Variants in MYO19 observed in about 807,000 individuals in gnomAD.
MYO19 encodes the protein unconventional myosin-XIX.
In MYO19, 132 loss-of-function variants were observed where a neutral mutation model predicts 129.2. The ratio of observed to expected loss-of-function variants is 1.02; its 90% confidence interval spans 0.89 to 1.18. The LOEUF is 1.18. Ranked by LOEUF, MYO19 falls within the 50% of genes most tolerant of loss-of-function variation. The pLI, the probability that MYO19 is intolerant of heterozygous loss-of-function variation, is 0.00. For synonymous variants in MYO19, 531 were observed against 477.2 expected (o/e 1.11, Z -1.47); for missense variants, 1,210 against 1,216.7 (o/e 0.99, Z 0.08).
intron 2 of MYO19, among the ~76,000 whole-genome samples, chr17:36,541,778 AAGC>A (rs1375664195): frequency 6.6e-6 from 1 of 152,242 alleles, no homozygotes; most frequent in East Asian, 1.9e-4. Flanking sequence ...TGCTCTCTAA[AAGC>A]AGATACTTTT....
At chr17:36,517,323 G>C (rs929082918) in intron 6 of MYO19, among the ~76,000 whole-genome samples, 6 of 152,090 alleles carry the variant, frequency 3.9e-5, no homozygotes, top group South Asian at 2.1e-4. Context: ...GCAGTGGCAC[G>C]ATCTCGGCTC....
At chr17:36,518,527 A>AATATATACAT (rs2072925748) in intron 6 of MYO19, among the ~76,000 whole-genome samples, 1 of 41,460 alleles carries the variant, frequency 2.4e-5, no homozygotes, top group Non-Finnish European at 4.0e-5. Flanking sequence ...AAAAAAAAAA[A>AATATATACAT]ATATATATAT....
At chr17:36,503,361 G>T (rs116362990) in intron 20 of MYO19, among the ~76,000 whole-genome samples, 161 bp from the exon 21 acceptor site, 1 of 152,152 alleles carries the variant, frequency 6.6e-6, no homozygotes, top group Non-Finnish European at 1.5e-5. Flanking sequence ...GTTTTGAAGC[G>T]ATTTCTAGGA....
intron 12 of MYO19, 196 bp downstream of exon 12, chr17:36,511,169 A>T: frequency 1.5e-6 from 1 of 671,320 alleles, no homozygotes; most frequent in Non-Finnish European, 2.5e-6. Context: ...TCATTTTCTC[A>T]TCTTTAAGAT....
intron 6 of MYO19, among the ~76,000 whole-genome samples, chr17:36,525,002 A>ACCCAGG (rs1177508179): frequency 1.3e-5 from 2 of 152,288 alleles, no homozygotes; most frequent in African/African-American, 4.8e-5. Flanking sequence ...TTCCTATTTC[A>ACCCAGG]CCCAGGGTGA....
chr17:36,519,472 C>T (rs2073006766), intron 6 of MYO19, among the ~76,000 whole-genome samples: 1 of 152,138 alleles, frequency 6.6e-6, no homozygotes, highest in Non-Finnish European at 1.5e-5. Context: ...GTAATTGTCA[C>T]TATGCCTGGG....
intron 5 of MYO19, among the ~76,000 whole-genome samples, chr17:36,526,877 A>G (rs2073500353): frequency 6.6e-6 from 1 of 151,894 alleles, no homozygotes; most frequent in Non-Finnish European, 1.5e-5. Context: ...ACAGGGAGAG[A>G]CTCAGTCTCA....
In MYO19 at chr17:36,501,077, C is replaced by T; in HGVS notation, c.2239G>A (p.Asp747Asn). 1 of 1,611,860 alleles carries T rather than the reference C, an allele frequency of 6.2e-7. No individual in the cohort carries two copies. Among genetic ancestry groups the T allele is most frequent in the Non-Finnish European group, 8.5e-7 (1 of 1,178,354 alleles). ...HCGRTKVFMT[D>N]SMLELLECGR... Reference sequence around the variant, plus strand: ...TCCCCAAACCAGCTCACCATAGAGTCAGTCATGAACACCTTGGTCCTGCCA... The same window carrying T: ...TCCCCAAACCAGCTCACCATAGAGTTAGTCATGAACACCTTGGTCCTGCCA... The change falls in exon 22 of 26, where the codon GAC (aspartate) becomes AAC (asparagine). Residue 747 changes from aspartate to asparagine, a missense_variant. Coordinates refer to ENST00000614623, the MANE Select transcript of MYO19 (RefSeq NM_001163735.2).
At chr17:36,501,389 G>T in intron 21 of MYO19, 154 bp from the exon 22 acceptor site, 1 of 745,702 alleles carries the variant, frequency 1.3e-6, no homozygotes, top group Non-Finnish European at 2.1e-6. Flanking sequence ...TTTGGAGGAA[G>T]CCACAAACAG....
chr17:36,498,341 C>G lies in MYO19; in HGVS notation c.2682G>C (p.Arg894Ser), dbSNP rs1305595880. 6.2e-7 allele frequency: 1 copy of G among 1,613,988 alleles called. No homozygotes were observed. Among genetic ancestry groups the G allele is most frequent in the African/African-American group, 1.3e-5 (1 of 75,052 alleles). The change falls in exon 25 of 26, where the codon AGG (arginine) becomes AGC (serine). Residue 894 changes from arginine (R) to serine (S), a missense_variant. Arg to Ser is a moderately radical substitution (Grantham distance 110). Transcript: ENST00000614623. ...LVVWACLQLP[R>S]GSPSSYTVQT... ...GGACAGTGTAGCTACTGGGGCTGCC[C>G]CTGGGGAGCTGGAGGCAAGCCCAGA...
At position 36,499,118 on chromosome 17, in the gene MYO19, T is replaced by C; in HGVS notation, c.2420A>G (p.His807Arg). 3 of 1,610,692 alleles carry C rather than the reference T, an allele frequency of 1.9e-6. No individual in the cohort carries two copies. The highest frequency in any genetic ancestry group is 2.2e-5 in the East Asian group (1 of 44,822). Residue 807 changes from histidine (H) to arginine (R), a missense_variant, in exon 24 of 26, where the codon CAT becomes CGT. His to Arg is a conservative substitution (Grantham distance 29). Transcript: ENST00000614623. ...ACGCTTGATGACTGTGGCAGCTGCA[T>C]GCAGCCTCTGGATGTGTTTCCGAGT... is the stretch of plus-strand genomic sequence containing the variant. Reference protein sequence around the residue: ...WLTRKHIQRLHAAATVIKRAW... With the variant: ...WLTRKHIQRLRAAATVIKRAW...
At chr17:36,507,558 G>C (rs1450240775) in intron 15 of MYO19, 46 bp from the exon 16 acceptor site, 6 of 1,584,536 alleles carry the variant, frequency 3.8e-6, no homozygotes, top group Non-Finnish European at 5.2e-6. Flanking sequence ...GCTGTGGTCT[G>C]ATGTCCTGAC....
intron 25 of MYO19, chr17:36,497,702 A>G: frequency 4.1e-6 from 1 of 242,018 alleles, no homozygotes; most frequent in Middle Eastern, 2.0e-3. Flanking sequence ...CTCATGCCTC[A>G]GCCTCCCGAG....
intron 19 of MYO19, chr17:36,504,244 C>T (rs377374063): frequency 3.2e-5 from 16 of 494,986 alleles, no homozygotes; most frequent in African/African-American, 3.9e-5. Context: ...CCCCCTCATC[C>T]GACGCATGGC....
chr17:36,528,302 A>G, intron 3 of MYO19, 100 bp from the exon 4 acceptor site: 2 of 1,272,264 alleles, frequency 1.6e-6, no homozygotes, highest in Non-Finnish European at 2.2e-6. Flanking sequence ...AAGTGAGGAG[A>G]TCGAGACCAT....
In MYO19 at chr17:36,506,444, C is replaced by A. The variant is rs1400610723; in HGVS notation, c.1797+12G>T. 1.2e-6 allele frequency: 2 copies of A among 1,613,900 alleles called. No individual in the cohort carries two copies. Among genetic ancestry groups the A allele is most frequent in the Non-Finnish European group, 8.5e-7 (1 of 1,179,852 alleles). ...TTGAACCAAGCACCTCCCATCAGCA[C>A]ATCAGACCCACCTTGAACTTGGACA... On this transcript the variant is annotated intron_variant, in intron 18 of 25. Coordinates refer to ENST00000614623, the MANE Select transcript of MYO19 (RefSeq NM_001163735.2).
intron 6 of MYO19, among the ~76,000 whole-genome samples, chr17:36,522,014 A>C (rs1673648438): frequency 7.3e-6 from 1 of 137,054 alleles, no homozygotes; most frequent in Non-Finnish European, 1.6e-5. Flanking sequence ...CTGGCAACAG[A>C]GCAAGACTGT....
rs371070366 is a variant in MYO19 at position 36,530,150 on chromosome 17, A to G, written c.13-1948T>C. ...GCCAAGGTGACCCTGTCTCTATAAA[A>G]AATATTTAAAAATTAGCTGGGCATT... On this transcript the variant is annotated intron_variant, in intron 3 of 25. Transcript: ENST00000614623. Among the ~76,000 whole-genome samples, 18 of 152,260 alleles carry G rather than the reference A, an allele frequency of 1.2e-4. No individual in the cohort carries two copies. The East Asian group carries it at 2.3e-3, about 20-fold the overall frequency.
At position 36,500,568 on chromosome 17, in the gene MYO19, G is replaced by T. The variant is rs907315464; in HGVS notation, c.2377+262C>A. 7 of 472,460 alleles carry T rather than the reference G, an allele frequency of 1.5e-5. No individual in the cohort carries two copies. The East Asian group carries it at 1.6e-4, about 11-fold the overall frequency. 29.3% of individuals were successfully genotyped at this position (472,460 alleles called of 1,614,324 possible). On this transcript the variant is annotated intron_variant, in intron 23 of 25. Coordinates refer to ENST00000614623, the MANE Select transcript of MYO19 (RefSeq NM_001163735.2). ...AAACAGCTGTCAGGGTCTGAGAAAG[G>T]AATTAAAGACAACGCTTAGACAACG...
Sources: allele counts gnomAD v4.1 joint callset (sites outside exome capture counted in the v4.1 genomes callset), GRCh38; gene constraint gnomAD v4.1.1; transcripts MANE v1.5; gene names NCBI Gene and HGNC (gene_info 2026-07-23, HGNC 2026-07-21).